Variants in ARSL observed in about 807,000 individuals in gnomAD.
The protein encoded by ARSL is arylsulfatase E (chondrodysplasia punctata 1).
ARSL carries 4 observed loss-of-function variants against 31.1 expected under a neutral mutation model. The ratio of observed to expected loss-of-function variants is 0.13; its 90% CI spans 0.06 to 0.29. The LOEUF (loss-of-function observed/expected upper bound fraction) is 0.29, where lower values mean the gene tolerates loss of function less well. Ranked by LOEUF, ARSL falls within the 10% of genes least tolerant of loss-of-function variation. ARSL has a pLI of 1.00. For missense variants in ARSL, 312 were observed against 497.8 expected (o/e 0.63, Z 3.55); for synonymous variants, 198 against 209.9 (o/e 0.94, Z 0.49).
In ARSL at chrX:2,934,587, T is replaced by C. The variant is rs1342381015; in HGVS notation, c.*245A>G. Reference sequence around the variant, plus strand: ...AACTCCGGTGCTCAAATGATCCTCCTGCCTTAGCCTCCTGAGAAGCTAGAA... The same window carrying C: ...AACTCCGGTGCTCAAATGATCCTCCCGCCTTAGCCTCCTGAGAAGCTAGAA... On this transcript the variant is annotated 3_prime_UTR_variant, in exon 11 of 11. Transcript: ENST00000381134. 2.0e-5 allele frequency: 7 copies of C among 356,832 alleles called. No homozygotes were observed. The highest frequency in any genetic ancestry group is 5.1e-5 in the Admixed American group (1 of 19,431). The allele number at this position is 356,832 out of a possible 1,213,427, so 29.4% of individuals were successfully genotyped here.
intron 3 of ARSL, among the ~76,000 whole-genome samples, chrX:2,957,507 G>A (rs2089541838): frequency 1.8e-5 from 2 of 108,892 alleles, no homozygotes; most frequent in South Asian, 8.0e-4. Context: ...CCAGGAGTTC[G>A]AGACCAGCCT....
rs1340143455 is a variant in ARSL, at chrX:2,934,820, C to T, written c.*12G>A. On this transcript the variant is annotated 3_prime_UTR_variant, in exon 11 of 11. Transcript: ENST00000381134. ...TTTAGGAATCGGGGCTCCAGCTTTT[C>T]ACTGCAGACATTTATTGTGGGTCAT... is the stretch of plus-strand genomic sequence containing the variant. 8.4e-7 allele frequency: 1 copy of T among 1,186,907 alleles called. No individual in the cohort carries two copies. The highest frequency in any genetic ancestry group is 1.8e-5 in the African/African-American group (1 of 56,427).
intron 6 of ARSL, among the ~76,000 whole-genome samples, chrX:2,947,036 T>A (rs2089394771): frequency 9.1e-6 from 1 of 109,921 alleles, no homozygotes; most frequent in Admixed American, 9.8e-5. Flanking sequence ...ATACAAAAAT[T>A]AGCGGGATGT....
upstream of ARSL, among the ~76,000 whole-genome samples, chrX:2,965,574 G>T (rs1447322225): frequency 4.6e-5 from 5 of 109,174 alleles, no homozygotes; most frequent in Admixed American, 4.9e-4. Context: ...AGTAAAAAAA[G>T]GATTATTTTC....
intron 2 of ARSL, chrX:2,959,881 C>T (rs1361622802): frequency 9.1e-6 from 3 of 329,963 alleles, no homozygotes; most frequent in Middle Eastern, 8.3e-4. Context: ...CATGGTGAGA[C>T]CCTGTCTCTA....
chrX:2,951,207 C>A (rs1197947564), intron 5 of ARSL, among the ~76,000 whole-genome samples: 1 of 111,713 alleles, frequency 9.0e-6, no homozygotes, highest in Non-Finnish European at 1.9e-5. Flanking sequence ...CGGAAAGCAC[C>A]ATGTGATATC....
intron 8 of ARSL, among the ~76,000 whole-genome samples, chrX:2,940,676 C>T (rs1384957085): frequency 9.8e-6 from 1 of 102,535 alleles, no homozygotes; most frequent in African/African-American, 4.3e-5. Flanking sequence ...CTCATGCCTG[C>T]TGTCATCCCA....
At chrX:2,947,022 A>T (rs1381989764) in intron 6 of ARSL, among the ~76,000 whole-genome samples, 4 of 110,358 alleles carry the variant, frequency 3.6e-5, no homozygotes. Context: ...CATCTCTACT[A>T]AAAATACAAA....
At chrX:2,959,870 A>T in intron 2 of ARSL, 1 of 376,224 alleles carries the variant, frequency 2.7e-6, no homozygotes, top group South Asian at 9.0e-5. Context: ...AGCTTGAGCA[A>T]CATGGTGAGA....
chrX:2,960,075 C>T (rs1202930077), intron 2 of ARSL, among the ~76,000 whole-genome samples: 1 of 103,326 alleles, frequency 9.7e-6, no homozygotes, highest in Non-Finnish European at 2.0e-5. Context: ...CGAGACCATC[C>T]TGGCTAACAC....
At position 2,958,416 on chromosome X, in the gene ARSL, G is replaced by C. The variant is rs949536907; in HGVS notation, c.43C>G (p.Leu15Val). The C allele has an allele frequency of 8.3e-7, 1 of 1,210,643 alleles. No individual in the cohort carries two copies. The highest frequency in any genetic ancestry group is 1.1e-6 in the Non-Finnish European group (1 of 895,435). Residue 15 changes from leucine (L) to valine (V), a missense_variant, in exon 3 of 11, where the codon CTG becomes GTG. Transcript: ENST00000381134. ...AGCAGTACAGCGAGCATCGCTGGCA[G>C]CCAGCTCCTGAAACACAAACTGTCA... ...HHSCLCFRSWLPAMLAVLLSL... is the reference protein window; with the variant it reads ...HHSCLCFRSWVPAMLAVLLSL...
At chrX:2,938,380 T>TTCTCTCTC (rs34095951) in intron 8 of ARSL, 123 bp from the exon 9 acceptor site, 5 of 746,265 alleles carry the variant, frequency 6.7e-6, no homozygotes, top group Non-Finnish European at 9.7e-6. Flanking sequence ...GTCTCTCAAT[T>TTCTCTCTC]TCTCTCTCTC....
chrX:2,955,540 A>G lies in ARSL; in HGVS notation c.186-3T>C. On this transcript the variant is annotated splice_polypyrimidine_tract_variant and splice_region_variant and intron_variant, in intron 3 of 10. Coordinates refer to ENST00000381134, the MANE Select transcript of ARSL (RefSeq NM_000047.3). ...CAAGGCGGTCAATATTCGGAGTCCT[A>G]TGGAGGGACAAATTAACAGCTTTAC... The G allele has an allele frequency of 1.7e-6, 2 of 1,210,701 alleles. No homozygotes were observed. Among genetic ancestry groups the G allele is most frequent in the Non-Finnish European group, 2.2e-6 (2 of 894,912 alleles).
At chrX:2,961,958 G>A (rs1321175558) in intron 1 of ARSL, among the ~76,000 whole-genome samples, 17 of 107,029 alleles carry the variant, frequency 1.6e-4, no homozygotes, top group Non-Finnish European at 1.2e-4. Context: ...TTGGCTCACT[G>A]CAAGCTCCGC....
intron 8 of ARSL, among the ~76,000 whole-genome samples, 188 bp from the exon 9 acceptor site, chrX:2,938,445 G>C (rs1157739345): frequency 8.9e-6 from 1 of 111,870 alleles, no homozygotes; most frequent in African/African-American, 3.2e-5. Context: ...TTCCCCTGTA[G>C]AGGTTTGATT....
intron 7 of ARSL, among the ~76,000 whole-genome samples, chrX:2,944,996 G>GAAGAAT (rs1190737259): frequency 2.6e-4 from 29 of 109,460 alleles, no homozygotes; most frequent in African/African-American, 9.8e-4. Flanking sequence ...GGAATATGAA[G>GAAGAAT]AAGAAGAATA....
chrX:2,961,102 G>C (rs909983701), intron 1 of ARSL, among the ~76,000 whole-genome samples: 9 of 111,168 alleles, frequency 8.1e-5, no homozygotes, highest in African/African-American at 2.6e-4. Flanking sequence ...GCATGAAGGA[G>C]AGACGCATTC....
At chrX:2,968,084 C>A, upstream of ARSL, 1 of 1,135,399 alleles carries the variant, frequency 8.8e-7, no homozygotes, top group Non-Finnish European at 1.2e-6. Context: ...AAAGAATATC[C>A]CCTGGAGCGT....
At chrX:2,948,540 G>A (rs754752200) in intron 6 of ARSL, among the ~76,000 whole-genome samples, 14 of 111,110 alleles carry the variant, frequency 1.3e-4, no homozygotes, top group Non-Finnish European at 2.5e-4. Context: ...TTGCTCTGTC[G>A]CCCAGGCTCC....
Sources: gnomAD v4.1 joint callset for allele counts (sites outside exome capture counted in the v4.1 genomes callset) on GRCh38, gnomAD v4.1.1 for gene constraint, MANE v1.5 for transcripts, NCBI Gene and HGNC (gene_info 2026-07-23, HGNC 2026-07-21) for gene names.